FBXW10B: variants seen among roughly 807,000 people sequenced by gnomAD.
FBXW10B encodes the protein F-box and WD repeat domain containing protein 10B.
chr17:15,619,252 A>G, the FBXW10B span: 18 of 1,614,002 alleles, frequency 1.1e-5, no homozygotes, highest in Non-Finnish European at 1.4e-5. Context: ...GGGACCTGTT[A>G]TAGATGAAAT....
the FBXW10B span, among the ~76,000 whole-genome samples, chr17:15,592,886 C>T: frequency 9.2e-5 from 14 of 152,108 alleles, no homozygotes; most frequent in Non-Finnish European, 2.1e-4. Flanking sequence ...GGGTGGATCA[C>T]GAGGTTGGGA....
chr17:15,567,502 G>C, the FBXW10B span, among the ~76,000 whole-genome samples: 1 of 152,018 alleles, frequency 6.6e-6, no homozygotes, highest in African/African-American at 2.4e-5. Context: ...CCATACAATA[G>C]ATTTTTTTAT....
the FBXW10B span, among the ~76,000 whole-genome samples, chr17:15,605,653 A>C: frequency 1.3e-5 from 2 of 152,222 alleles, no homozygotes; most frequent in African/African-American, 4.8e-5. Flanking sequence ...TAGAGACACA[A>C]GGCAATTTTT....
chr17:15,615,950 T>G, the FBXW10B span: 1,420 of 1,341,362 alleles, frequency 1.1e-3, 11 homozygotes, highest in African/African-American at 0.019. Context: ...CTGTTTTTAT[T>G]TGGGGCCTCC....
chr17:15,605,202 T>C, the FBXW10B span: 12 of 1,586,950 alleles, frequency 7.6e-6, no homozygotes, highest in Non-Finnish European at 1.0e-5. Context: ...ACAGGGATCA[T>C]GATGTCTTTG....
the FBXW10B span, chr17:15,571,750 T>C: frequency 3.3e-5 from 5 of 152,210 alleles, no homozygotes; most frequent in African/African-American, 1.2e-4. Flanking sequence ...CCTCAGCTGA[T>C]GAATAGATAA....
chr17:15,619,146 A>G, the FBXW10B span: 4 of 1,614,006 alleles, frequency 2.5e-6, no homozygotes, highest in Non-Finnish European at 3.4e-6. Context: ...GCAAACCAAT[A>G]CAAGATCTCT....
the FBXW10B span, among the ~76,000 whole-genome samples, chr17:15,591,456 A>G: frequency 1.3e-5 from 2 of 151,884 alleles, no homozygotes; most frequent in African/African-American, 2.4e-5. Flanking sequence ...CACCCAGCTC[A>G]TTTTGTGTTT....
At chr17:15,595,484 C>T in the FBXW10B span, among the ~76,000 whole-genome samples, 1 of 152,184 alleles carries the variant, frequency 6.6e-6, no homozygotes, top group African/African-American at 2.4e-5. Context: ...GTGTTTGGGG[C>T]AGACACTACC....
At chr17:15,574,477 C>T in the FBXW10B span, among the ~76,000 whole-genome samples, 4 of 101,656 alleles carry the variant, frequency 3.9e-5, no homozygotes, top group East Asian at 4.9e-4. Flanking sequence ...CACTTGACCC[C>T]GTGGCTTTCT....
chr17:15,592,195 C>T, the FBXW10B span, among the ~76,000 whole-genome samples: 2 of 151,622 alleles, frequency 1.3e-5, no homozygotes, highest in East Asian at 1.9e-4. Context: ...GAATGGAATG[C>T]GGGGTGTCAT....
the FBXW10B span, chr17:15,572,386 T>A: frequency 6.6e-6 from 1 of 152,242 alleles, no homozygotes; most frequent in Non-Finnish European, 1.5e-5. Context: ...AAAACGACTG[T>A]TCTTATAAAG....
the FBXW10B span, chr17:15,619,228 G>C: frequency 2.5e-6 from 4 of 1,613,968 alleles, no homozygotes; most frequent in South Asian, 4.4e-5. Flanking sequence ...CCTCTTTCTT[G>C]CTGAGGTCGA....
At chr17:15,585,499 A>G in the FBXW10B span, among the ~76,000 whole-genome samples, 1 of 152,162 alleles carries the variant, frequency 6.6e-6, no homozygotes, top group African/African-American at 2.4e-5. Flanking sequence ...CTGAAGAGAA[A>G]TGGATTCCCT....
the FBXW10B span, chr17:15,612,786 T>A: frequency 6.2e-7 from 1 of 1,613,924 alleles, no homozygotes; most frequent in South Asian, 1.1e-5. Flanking sequence ...AGAAACCTTA[T>A]TGGCATAATT....
chr17:15,606,928 A>T, the FBXW10B span, among the ~76,000 whole-genome samples: 17 of 152,218 alleles, frequency 1.1e-4, no homozygotes, highest in African/African-American at 4.1e-4. Flanking sequence ...GTGAATATAA[A>T]GTGAAGTCCT....
the FBXW10B span, chr17:15,596,366 T>G: frequency 8.3e-7 from 1 of 1,201,768 alleles, no homozygotes; most frequent in Non-Finnish European, 1.1e-6. Context: ...ATGCCTCACT[T>G]TGGGGCCTTC....
chr17:15,610,253 G>A, the FBXW10B span, among the ~76,000 whole-genome samples: 1 of 152,174 alleles, frequency 6.6e-6, no homozygotes, highest in Non-Finnish European at 1.5e-5. Flanking sequence ...TCAAATCTGG[G>A]AGGGAATTCT....
At chr17:15,580,345 G>C in the FBXW10B span, among the ~76,000 whole-genome samples, 5 of 151,996 alleles carry the variant, frequency 3.3e-5, no homozygotes, top group African/African-American at 1.2e-4. Flanking sequence ...AATCCAGCAA[G>C]AATCACTCAC....
Sources: allele counts gnomAD v4.1 joint callset (sites outside exome capture counted in the v4.1 genomes callset), GRCh38; gene constraint gnomAD v4.1.1; transcripts MANE v1.5; gene names NCBI Gene and HGNC (gene_info 2026-07-23, HGNC 2026-07-21).